TMPRSS15: variants seen among roughly 807,000 people sequenced by gnomAD.
TMPRSS15 encodes the protein enteropeptidase.
A neutral mutation model predicts 125.3 loss-of-function variants in TMPRSS15; 128 were observed. That is an observed-to-expected ratio of 1.02 (90% confidence interval 0.89 to 1.18). TMPRSS15 has a LOEUF of 1.18. TMPRSS15 is among the 50% of genes most tolerant of loss of function. The pLI, the probability that TMPRSS15 is intolerant of heterozygous loss-of-function variation, is 0.00. For missense variants in TMPRSS15, 1,283 were observed against 1,212.7 expected, an observed-to-expected ratio of 1.06 and a Z score of -0.86; for synonymous variants, 446 against 423.2, an observed-to-expected ratio of 1.05 and a Z score of -0.66.
chr21:18,418,319 C>T (rs190946990), intron 1 of TMPRSS15, among the ~76,000 whole-genome samples: 2 of 152,292 alleles, frequency 1.3e-5, no homozygotes, highest in African/African-American at 2.4e-5. Context: ...GGTCTTTCTG[C>T]ATCTCTTATC....
At chr21:18,466,620 C>T (rs1978667270) in intron 1 of TMPRSS15, among the ~76,000 whole-genome samples, 1 of 152,204 alleles carries the variant, frequency 6.6e-6, no homozygotes, top group African/African-American at 2.4e-5. Context: ...AGACACTTCT[C>T]AAAAGAAGAC....
At chr21:18,396,518 T>C (rs2076038041) in intron 3 of TMPRSS15, among the ~76,000 whole-genome samples, 1 of 152,134 alleles carries the variant, frequency 6.6e-6, no homozygotes, top group Admixed American at 6.5e-5. Context: ...CTCATGCCTG[T>C]AATCCCAGCA....
At chr21:18,435,196 C>A (rs1472559428) in intron 1 of TMPRSS15, among the ~76,000 whole-genome samples, 2 of 152,114 alleles carry the variant, frequency 1.3e-5, no homozygotes, top group Admixed American at 6.6e-5. Context: ...AGAGGGCATC[C>A]CTGTCTTGTG....
chr21:18,304,609 A>C (rs1176097486), intron 18 of TMPRSS15, among the ~76,000 whole-genome samples: 1 of 152,192 alleles, frequency 6.6e-6, no homozygotes. Context: ...ATTATTAGCA[A>C]CATCTATAAT....
At chr21:18,357,434 T>A (rs2075636879) in intron 8 of TMPRSS15, among the ~76,000 whole-genome samples, 1 of 151,842 alleles carries the variant, frequency 6.6e-6, no homozygotes. Flanking sequence ...TTATGCTGAT[T>A]TCCCCCTAAT....
At chr21:18,464,339 A>G (rs1053351010) in intron 1 of TMPRSS15, among the ~76,000 whole-genome samples, 3 of 152,060 alleles carry the variant, frequency 2.0e-5, no homozygotes, top group Non-Finnish European at 1.5e-5. Context: ...CCCTAACATC[A>G]CAATTAAAAG....
chr21:18,293,420 T>A (rs912440959), intron 21 of TMPRSS15, among the ~76,000 whole-genome samples: 2 of 152,158 alleles, frequency 1.3e-5, no homozygotes, highest in African/African-American at 4.8e-5. Flanking sequence ...GGTAAGGTCA[T>A]TCACTGGACA....
chr21:18,378,555 C>T (rs1405541346), intron 5 of TMPRSS15, among the ~76,000 whole-genome samples: 1 of 151,964 alleles, frequency 6.6e-6, no homozygotes, highest in Non-Finnish European at 1.5e-5. Flanking sequence ...CAAATGTTTT[C>T]CCTCTATGTA....
At position 18,359,830 on chromosome 21, in the gene TMPRSS15, G is replaced by A. The variant is rs145871860; in HGVS notation, c.807C>T (p.Phe269=). The change falls in exon 8 of 25, where the codon TTC becomes TTT. Residue 269 remains phenylalanine, a synonymous_variant. Transcript: ENST00000284885. ...CTGTATAATATGTATTAAAATCATC[G>A]AAGCTCAGTTTAATGGAAAGTCCTT... ...VNQGLSIKLS[F]DDFNTYYTDI... is the part of the protein sequence containing the mutation. 6.3e-5 allele frequency: 96 copies of A among 1,534,478 alleles called. No individual in the cohort carries two copies. The highest frequency in any genetic ancestry group is 8.2e-5 in the African/African-American group (6 of 73,320).
At chr21:18,476,758 T>A (rs962959378) in intron 1 of TMPRSS15, among the ~76,000 whole-genome samples, 1 of 152,154 alleles carries the variant, frequency 6.6e-6, no homozygotes, top group Non-Finnish European at 1.5e-5. Context: ...ATACCAATTA[T>A]AGTAGACCAC....
At position 18,269,928 on chromosome 21, in the gene TMPRSS15, G is replaced by A; in HGVS notation, c.*41C>T. Reference sequence around the variant, plus strand: ...ATTTCCATGCTTTCTAGAGTAGAATGGGAAAATAATGCGACTTTCCTGTTT... The same window carrying A: ...ATTTCCATGCTTTCTAGAGTAGAATAGGAAAATAATGCGACTTTCCTGTTT... On this transcript the variant is annotated 3_prime_UTR_variant, in exon 25 of 25. Transcript: ENST00000284885. 6.2e-7 allele frequency: 1 copy of A among 1,608,800 alleles called. No homozygotes were observed. Among genetic ancestry groups the A allele is most frequent in the Non-Finnish European group, 8.5e-7 (1 of 1,176,056 alleles).
At chr21:18,319,639 G>T (rs924228681) in intron 16 of TMPRSS15, among the ~76,000 whole-genome samples, 3 of 152,070 alleles carry the variant, frequency 2.0e-5, no homozygotes, top group Admixed American at 6.5e-5. Context: ...ATGTTGGTCA[G>T]GCTGGTCTCA....
chr21:18,397,572 C>G (rs779316873), intron 3 of TMPRSS15, among the ~76,000 whole-genome samples: 3 of 152,066 alleles, frequency 2.0e-5, no homozygotes, highest in Non-Finnish European at 4.4e-5. Context: ...TATTAAATGA[C>G]AAGCAAGCTT....
chr21:18,484,360 G>A (rs1376738988), intron 1 of TMPRSS15, among the ~76,000 whole-genome samples: 2 of 151,792 alleles, frequency 1.3e-5, no homozygotes, highest in African/African-American at 4.8e-5. Flanking sequence ...TCTGGTTTAA[G>A]TTTAACATAA....
chr21:18,315,866 A>G (rs1288310310), intron 16 of TMPRSS15, among the ~76,000 whole-genome samples: 1 of 146,764 alleles, frequency 6.8e-6, no homozygotes, highest in African/African-American at 2.5e-5. Flanking sequence ...TATATAAAAT[A>G]ATAAACATGA....
chr21:18,304,431 C>T (rs557359382), intron 18 of TMPRSS15, among the ~76,000 whole-genome samples: 1 of 152,270 alleles, frequency 6.6e-6, no homozygotes, highest in Admixed American at 6.5e-5. Context: ...TTTTAAAGAA[C>T]TAAGACCTCT....
chr21:18,335,699 G>A (rs138627460), intron 13 of TMPRSS15, among the ~76,000 whole-genome samples: 116 of 152,318 alleles, frequency 7.6e-4, no homozygotes, highest in African/African-American at 2.7e-3. Flanking sequence ...ATAAATGACT[G>A]TAAAGAATTG....
intron 8 of TMPRSS15, among the ~76,000 whole-genome samples, chr21:18,357,537 T>G (rs574582068): frequency 1.3e-5 from 2 of 151,994 alleles, no homozygotes; most frequent in South Asian, 4.1e-4. Flanking sequence ...ATATTTCCAA[T>G]ATTGTACAAA....
chr21:18,373,681 T>C (rs535534757), intron 5 of TMPRSS15, among the ~76,000 whole-genome samples: 2 of 152,310 alleles, frequency 1.3e-5, no homozygotes, highest in South Asian at 4.1e-4. Flanking sequence ...AAAGATGAAT[T>C]TGGGATACAG....
Sources: allele counts gnomAD v4.1 joint callset (sites outside exome capture counted in the v4.1 genomes callset), GRCh38; gene constraint gnomAD v4.1.1; transcripts MANE v1.5; gene names NCBI Gene and HGNC (gene_info 2026-07-23, HGNC 2026-07-21).